MLLT10: variants seen among roughly 807,000 people sequenced by gnomAD.
The protein encoded by MLLT10 is protein AF-10.
In MLLT10, 30 loss-of-function variants were observed where a neutral mutation model predicts 129.1. The observed-to-expected ratio is 0.23, with a 90% CI of 0.17 to 0.32. The LOEUF (loss-of-function observed/expected upper bound fraction) is 0.32, where lower values mean the gene tolerates loss of function less well. Among genes scored for constraint, MLLT10 ranks in the 10% least tolerant of loss-of-function variants. The pLI, the probability that MLLT10 is intolerant of heterozygous loss-of-function variation, is 1.00. For synonymous variants in MLLT10, 490 were observed against 446.4 expected (o/e 1.10, Z -1.23); for missense variants, 1,119 against 1,268.3 (o/e 0.88, Z 1.79).
chr10:21,546,718 C>A (rs2036140602), intron 3 of MLLT10, among the ~76,000 whole-genome samples: 1 of 151,746 alleles, frequency 6.6e-6, no homozygotes, highest in African/African-American at 2.4e-5. Context: ...CAGGTGCCCG[C>A]CACTGTGCCT....
intron 8 of MLLT10, among the ~76,000 whole-genome samples, chr10:21,644,350 C>A (rs925331658): frequency 6.6e-6 from 1 of 151,960 alleles, no homozygotes; most frequent in Non-Finnish European, 1.5e-5. Context: ...TTATAATTTA[C>A]GTAATTTTTT....
chr10:21,733,031 CAAT>C lies in MLLT10; in HGVS notation c.2354_2356del (p.Ile785del). The C allele has an allele frequency of 6.2e-7, 1 of 1,613,794 alleles. No individual in the cohort carries two copies. The highest frequency in any genetic ancestry group is 8.5e-7 in the Non-Finnish European group (1 of 1,179,856). Reference sequence around the variant, plus strand: ...GCACAGCTTTCAGTGCCTTTTCCAACAATAACAGCAAATCCTAGTCCGTCTCAT... The same window carrying C: ...GCACAGCTTTCAGTGCCTTTTCCAACAACAGCAAATCCTAGTCCGTCTCAT... On this transcript the variant is annotated inframe_deletion, in exon 18 of 23. Coordinates refer to ENST00000307729, the MANE Select transcript of MLLT10 (RefSeq NM_001195626.3).
intron 3 of MLLT10, chr10:21,564,427 G>C (rs934369060): frequency 6.6e-6 from 1 of 151,338 alleles, no homozygotes; most frequent in Non-Finnish European, 1.5e-5. Flanking sequence ...TAATGATGTT[G>C]ACCATCTTTT....
intron 14 of MLLT10, among the ~76,000 whole-genome samples, chr10:21,723,838 A>G (rs2057298431): frequency 6.6e-6 from 1 of 152,242 alleles, no homozygotes. Flanking sequence ...TGGCTCTACA[A>G]AAGCTATTTT....
intron 9 of MLLT10, among the ~76,000 whole-genome samples, chr10:21,664,376 C>T (rs2050530963): frequency 2.0e-5 from 3 of 149,888 alleles, no homozygotes; most frequent in South Asian, 2.1e-4. Context: ...TGCAGTGGCA[C>T]GATCTCAGCT....
intron 9 of MLLT10, among the ~76,000 whole-genome samples, chr10:21,651,981 C>T (rs745884922): frequency 1.2e-4 from 16 of 135,310 alleles, no homozygotes; most frequent in Non-Finnish European, 2.5e-4. Context: ...GGCACAATCT[C>T]AGCTCACTGC....
intron 4 of MLLT10, among the ~76,000 whole-genome samples, chr10:21,593,315 ACTC>A: frequency 6.6e-6 from 1 of 151,032 alleles, no homozygotes; most frequent in African/African-American, 2.4e-5. Flanking sequence ...GTGGTCTTGA[ACTC>A]CTGATCTCAA....
At chr10:21,564,139 G>T (rs2039236386) in intron 3 of MLLT10, among the ~76,000 whole-genome samples, 1 of 151,934 alleles carries the variant, frequency 6.6e-6, no homozygotes, top group Non-Finnish European at 1.5e-5. Flanking sequence ...TTTGAGACAG[G>T]GTCTTGCTCT....
chr10:21,566,900 G>A (rs570844218), intron 3 of MLLT10, among the ~76,000 whole-genome samples: 6 of 151,716 alleles, frequency 4.0e-5, no homozygotes, highest in South Asian at 2.1e-4. Context: ...CTCAACCTCC[G>A]CCTTCCGGGT....
At chr10:21,588,112 G>T (rs2042170693) in intron 4 of MLLT10, among the ~76,000 whole-genome samples, 2 of 151,862 alleles carry the variant, frequency 1.3e-5, no homozygotes, top group South Asian at 4.1e-4. Flanking sequence ...ATTTGCCCAG[G>T]CTGGAGTGCA....
chr10:21,586,013 A>C (rs2041949149), intron 3 of MLLT10, among the ~76,000 whole-genome samples: 1 of 152,190 alleles, frequency 6.6e-6, no homozygotes, highest in African/African-American at 2.4e-5. Flanking sequence ...CGCCTGCCTC[A>C]GCCTCCCAAA....
At chr10:21,689,908 A>G (rs1221081944) in intron 13 of MLLT10, among the ~76,000 whole-genome samples, 6 of 151,852 alleles carry the variant, frequency 4.0e-5, no homozygotes, top group Non-Finnish European at 8.8e-5. Context: ...GATGGCCTGA[A>G]TGAGGATCCT....
chr10:21,556,790 GCTTGT>G lies in MLLT10; in HGVS notation c.240+17882_240+17886del, dbSNP rs1222252596. ...TGGTGCTCTGATGCATTGCTTTTGG[GCTTGT>G]CTTACTACAGCAGCTTTCTTCGGTC... On this transcript the variant is annotated intron_variant, in intron 3 of 22. Coordinates refer to ENST00000307729, the MANE Select transcript of MLLT10 (RefSeq NM_001195626.3). 2.5e-6 allele frequency: 4 copies of G among 1,588,564 alleles called. No homozygotes were observed. The African/African-American group carries it at 5.4e-5, about 21-fold the overall frequency.
chr10:21,717,211 C>G (rs2056636442), intron 14 of MLLT10, among the ~76,000 whole-genome samples: 1 of 125,662 alleles, frequency 8.0e-6, no homozygotes, highest in Admixed American at 1.0e-4. Context: ...CAAGATCACG[C>G]CATTGCGCTC....
intron 5 of MLLT10, among the ~76,000 whole-genome samples, chr10:21,601,527 A>G (rs1211996657): frequency 1.3e-5 from 2 of 151,970 alleles, no homozygotes; most frequent in African/African-American, 4.8e-5. Flanking sequence ...TTCTTTTTGT[A>G]ATATTTATTT....
At position 21,598,581 on chromosome 10, in the gene MLLT10, A is replaced by G. The variant is rs185119906; in HGVS notation, c.405+3141A>G. 5.3e-4 allele frequency among the ~76,000 whole-genome samples: 80 copies of G among 152,236 alleles called. No individual in the cohort carries two copies. The East Asian group carries it at 6.4e-3, about 12-fold the overall frequency. On this transcript the variant is annotated intron_variant, in intron 5 of 22. Coordinates refer to ENST00000307729, the MANE Select transcript of MLLT10 (RefSeq NM_001195626.3). ...CTATAAATTCACATCTATTGTTTCT[A>G]TATCTATGTAGAAAACTGTGGGCCA...
At chr10:21,700,905 A>G (rs971785126) in intron 13 of MLLT10, among the ~76,000 whole-genome samples, 1 of 152,128 alleles carries the variant, frequency 6.6e-6, no homozygotes, top group African/African-American at 2.4e-5. Context: ...GAGGATTGGT[A>G]TTAGTTCCTT....
At chr10:21,581,515 T>G (rs771530073) in intron 3 of MLLT10, among the ~76,000 whole-genome samples, 2 of 152,174 alleles carry the variant, frequency 1.3e-5, no homozygotes, top group Non-Finnish European at 2.9e-5. Context: ...TGGGACATTT[T>G]TGTACACTAC....
At chr10:21,685,479 C>T (rs1344904116) in intron 13 of MLLT10, among the ~76,000 whole-genome samples, 2 of 152,040 alleles carry the variant, frequency 1.3e-5, no homozygotes, top group African/African-American at 2.4e-5. Context: ...GGATTACAGG[C>T]GCCCACCACC....
Sources: allele counts gnomAD v4.1 joint callset (sites outside exome capture counted in the v4.1 genomes callset), GRCh38; gene constraint gnomAD v4.1.1; transcripts MANE v1.5; gene names NCBI Gene and HGNC (gene_info 2026-07-23, HGNC 2026-07-21).